The following CFAP299 variants were observed in gnomAD, a reference collection of about 807,000 sequenced individuals.
CFAP299 encodes cilia- and flagella-associated protein 299.
Under a neutral mutation model 27.0 loss-of-function variants are expected in CFAP299, and 21 were observed. The ratio of observed to expected loss-of-function variants is 0.78; its 90% CI spans 0.55 to 1.12. The LOEUF (loss-of-function observed/expected upper bound fraction) is 1.12. CFAP299 is among the 50% of genes most tolerant of loss of function. The pLI is 0.00. For synonymous variants in CFAP299, 104 were observed against 98.1 expected (o/e 1.06, Z -0.36); for missense variants, 310 against 276.6 (o/e 1.12, Z -0.86).
At chr4:80,825,350 GA>G (rs1273009183) in intron 3 of CFAP299, among the ~76,000 whole-genome samples, 1 of 151,876 alleles carries the variant, frequency 6.6e-6, no homozygotes, top group East Asian at 1.9e-4. Context: ...CAGATTATTT[GA>G]AAAAACAGTA....
At chr4:80,388,705 C>G (rs1725165767) in intron 2 of CFAP299, 2 of 774,686 alleles carry the variant, frequency 2.6e-6, no homozygotes, top group Non-Finnish European at 4.4e-6. Context: ...CCTTAAAGAT[C>G]ACCTGCACCA....
chr4:80,776,735 C>T lies in CFAP299; in HGVS notation c.334-93258C>T, dbSNP rs140684033. Among the ~76,000 whole-genome samples the T allele has an allele frequency of 2.9e-3, 447 of 151,672 alleles. 3 individuals carry two copies. The highest frequency in any genetic ancestry group is 0.01 in the Middle Eastern group (3 of 294). On this transcript the variant is annotated intron_variant, in intron 3 of 5. Transcript: ENST00000358105. ...ACCTGCATGTTCTGCACATGTATCC[C>T]GGAACTTAAAGTAAAATAAAAAATA... is the stretch of plus-strand genomic sequence containing the variant.
chr4:80,791,258 A>G (rs1727549830), intron 3 of CFAP299, among the ~76,000 whole-genome samples: 1 of 152,056 alleles, frequency 6.6e-6, no homozygotes, highest in Admixed American at 6.6e-5. Context: ...GGAAAAATAT[A>G]TAAATCTGTG....
chr4:80,322,604 G>T, the CFAP299 span, among the ~76,000 whole-genome samples: 1 of 152,050 alleles, frequency 6.6e-6, no homozygotes, highest in African/African-American at 2.4e-5. Context: ...CTTATCAAGC[G>T]CTGTCTGTTC....
intron 2 of CFAP299, among the ~76,000 whole-genome samples, chr4:80,539,489 G>T (rs1411703976): frequency 6.6e-6 from 1 of 152,112 alleles, no homozygotes; most frequent in Non-Finnish European, 1.5e-5. Flanking sequence ...TTTGAATAAT[G>T]CCAATGGGCT....
At chr4:80,687,908 T>C (rs567771462) in intron 3 of CFAP299, among the ~76,000 whole-genome samples, 9 of 152,228 alleles carry the variant, frequency 5.9e-5, no homozygotes, top group Non-Finnish European at 8.8e-5. Context: ...TTCCCTTTCA[T>C]AGTCAAAGAA....
intron 4 of CFAP299, among the ~76,000 whole-genome samples, chr4:80,874,809 G>A (rs923212949): frequency 6.6e-6 from 1 of 151,908 alleles, no homozygotes. Context: ...TCTCTAGTAG[G>A]GTAGCTACTA....
At chr4:80,589,114 G>A (rs1049741461) in intron 3 of CFAP299, among the ~76,000 whole-genome samples, 56 of 152,194 alleles carry the variant, frequency 3.7e-4, no homozygotes, top group Non-Finnish European at 1.9e-4. Flanking sequence ...AATAACAACA[G>A]TAGATACATT....
chr4:80,891,819 CTAGAT>C (rs1440386010), intron 4 of CFAP299, among the ~76,000 whole-genome samples: 14 of 77,876 alleles, frequency 1.8e-4, no homozygotes, highest in Non-Finnish European at 2.7e-4. Flanking sequence ...TTGAGAAGCC[CTAGAT>C]TAAAGGAAAA....
At chr4:80,407,466 A>C (rs1034864451) in intron 2 of CFAP299, among the ~76,000 whole-genome samples, 2 of 152,132 alleles carry the variant, frequency 1.3e-5, no homozygotes, top group African/African-American at 4.8e-5. Context: ...GGGATGACTC[A>C]AATCTGCTCC....
intron 3 of CFAP299, among the ~76,000 whole-genome samples, chr4:80,708,222 T>C (rs1316519989): frequency 1.3e-5 from 2 of 152,100 alleles, no homozygotes; most frequent in African/African-American, 4.8e-5. Context: ...CCCTGATAGA[T>C]TTCAACCAAT....
chr4:80,388,728 T>G, intron 2 of CFAP299: 1 of 582,944 alleles, frequency 1.7e-6, no homozygotes, highest in Middle Eastern at 4.6e-4. Flanking sequence ...TTGGAGCCCC[T>G]ATATTTCTTA....
At position 80,413,377 on chromosome 4, in the gene CFAP299, C is replaced by T. The variant is rs934311983; in HGVS notation, c.242+50493C>T. ...ACTGTATGTGAGCTCACCTGTGACA[C>T]CTTTCAGGGTGGGACCCAGGAGCTG... On this transcript the variant is annotated intron_variant, in intron 2 of 5. Coordinates refer to ENST00000358105, the MANE Select transcript of CFAP299 (RefSeq NM_152770.3). 4.6e-5 allele frequency among the ~76,000 whole-genome samples: 7 copies of T among 152,202 alleles called. No individual in the cohort carries two copies. In the East Asian group the frequency reaches 1.3e-3, roughly 29 times the overall value.
At chr4:80,426,787 G>T (rs1313379891) in intron 2 of CFAP299, among the ~76,000 whole-genome samples, 1 of 152,206 alleles carries the variant, frequency 6.6e-6, no homozygotes, top group Non-Finnish European at 1.5e-5. Context: ...GTACTGTGGG[G>T]AAAGTATCAA....
chr4:80,792,052 A>G (rs1175205980), intron 3 of CFAP299, among the ~76,000 whole-genome samples: 2 of 152,074 alleles, frequency 1.3e-5, no homozygotes, highest in Non-Finnish European at 2.9e-5. Flanking sequence ...ACATTTATAT[A>G]ATGTTATCAC....
intron 2 of CFAP299, among the ~76,000 whole-genome samples, chr4:80,456,740 T>C (rs1729182611): frequency 1.3e-5 from 2 of 152,092 alleles, no homozygotes; most frequent in Non-Finnish European, 2.9e-5. Context: ...TGGAGTTCAG[T>C]GGAGAGGTCT....
chr4:80,691,073 T>A, intron 3 of CFAP299, among the ~76,000 whole-genome samples: 2 of 102,292 alleles, frequency 2.0e-5, no homozygotes, highest in Admixed American at 1.1e-4. Flanking sequence ...CCAAAAAGAG[T>A]CCAGGACCAG....
intron 3 of CFAP299, among the ~76,000 whole-genome samples, chr4:80,665,008 G>A (rs539709078): frequency 2.6e-5 from 4 of 152,178 alleles, no homozygotes; most frequent in Admixed American, 6.5e-5. Flanking sequence ...TGCACTTCCC[G>A]GGTGAGGCAA....
At chr4:80,895,445 G>A (rs1303428945) in intron 4 of CFAP299, among the ~76,000 whole-genome samples, 1 of 151,858 alleles carries the variant, frequency 6.6e-6, no homozygotes, top group African/African-American at 2.4e-5. Context: ...TAGTAAATAA[G>A]CACAAGATTA....
Sources: allele counts gnomAD v4.1 joint callset (sites outside exome capture counted in the v4.1 genomes callset), GRCh38; gene constraint gnomAD v4.1.1; transcripts MANE v1.5; gene names NCBI Gene and HGNC (gene_info 2026-07-23, HGNC 2026-07-21).